The following ZDHHC2 variants were observed in gnomAD, a reference collection of about 807,000 sequenced individuals.
ZDHHC2 encodes the protein zDHHC palmitoyltransferase 2.
In ZDHHC2, 51 loss-of-function variants were observed where a neutral mutation model predicts 55.6. That is an observed-to-expected ratio of 0.92 (90% CI 0.73 to 1.16). The LOEUF (loss-of-function observed/expected upper bound fraction) is 1.16. ZDHHC2 is among the 50% of genes most tolerant of loss of function. The pLI, the probability that ZDHHC2 is intolerant of heterozygous loss-of-function variation, is 0.00. For synonymous variants in ZDHHC2, 199 were observed against 152.9 expected (o/e 1.30, Z -2.22); for missense variants, 491 against 442.4 (o/e 1.11, Z -0.99).
intron 6 of ZDHHC2, among the ~76,000 whole-genome samples, chr8:17,204,853 C>A (rs1178413542): frequency 6.6e-6 from 1 of 151,844 alleles, no homozygotes; most frequent in Non-Finnish European, 1.5e-5. Context: ...AAAGAAAAAT[C>A]TTAACAAAAA....
intron 1 of ZDHHC2, among the ~76,000 whole-genome samples, chr8:17,169,028 C>A (rs1267189834): frequency 6.6e-6 from 1 of 152,118 alleles, no homozygotes; most frequent in African/African-American, 2.4e-5. Flanking sequence ...GCTTTAAATT[C>A]TTTTGGTAGA....
intron 1 of ZDHHC2, among the ~76,000 whole-genome samples, chr8:17,157,816 CA>C (rs967684549): frequency 2.6e-5 from 4 of 152,188 alleles, no homozygotes; most frequent in African/African-American, 9.6e-5. Flanking sequence ...TTTGCCCTAC[CA>C]AGTGCTAGCT....
chr8:17,166,659 A>T (rs1804613983), intron 1 of ZDHHC2, among the ~76,000 whole-genome samples: 1 of 152,182 alleles, frequency 6.6e-6, no homozygotes, highest in Non-Finnish European at 1.5e-5. Flanking sequence ...TCAGGAGATG[A>T]GTAGGAACCA....
intron 1 of ZDHHC2, among the ~76,000 whole-genome samples, chr8:17,167,018 T>G (rs1410525412): frequency 6.6e-6 from 1 of 152,204 alleles, no homozygotes; most frequent in African/African-American, 2.4e-5. Context: ...CTGAAAATAA[T>G]CTACAGAAAA....
At chr8:17,206,491 T>TA (rs1807107530) in intron 7 of ZDHHC2, among the ~76,000 whole-genome samples, 1 of 152,160 alleles carries the variant, frequency 6.6e-6, no homozygotes, top group African/African-American at 2.4e-5. Flanking sequence ...GGAAAGTTTA[T>TA]AAAAAATAAG....
At chr8:17,214,734 C>A (rs1248781698) in intron 10 of ZDHHC2, among the ~76,000 whole-genome samples, 1 of 151,864 alleles carries the variant, frequency 6.6e-6, no homozygotes, top group Non-Finnish European at 1.5e-5. Context: ...CATAGAGAGT[C>A]CACTCTACAA....
At position 17,210,006 on chromosome 8, in the gene ZDHHC2, C is replaced by G. The variant is rs201971547; in HGVS notation, c.805C>G (p.Arg269Gly). The G allele has an allele frequency of 1.2e-6, 2 of 1,609,730 alleles. No individual in the cohort carries two copies. The highest frequency in any genetic ancestry group is 1.7e-5 in the Admixed American group (1 of 59,462). ...GFSLGFSKNMRQVFGDEKKYW... is the reference protein window; with the variant it reads ...GFSLGFSKNMGQVFGDEKKYW... ...CAGCTTGGGTTTCAGTAAAAACATGCGACAAGTTTTTGGTGATGAGAAGAA... is the reference window on the plus strand; with the variant it reads ...CAGCTTGGGTTTCAGTAAAAACATGGGACAAGTTTTTGGTGATGAGAAGAA... Residue 269 changes from arginine to glycine, a missense_variant, in exon 9 of 13, where the codon CGA (arginine) becomes GGA (glycine). Transcript: ENST00000262096.
At position 17,168,159 on chromosome 8, in the gene ZDHHC2, T is replaced by G. The variant is rs146403864; in HGVS notation, c.130+11306T>G. ...AGGATTTTACATTCTCTTTCATCTATTTCCTATTGACTGAAAAAGGTCAAG... is the reference window on the plus strand; with the variant it reads ...AGGATTTTACATTCTCTTTCATCTAGTTCCTATTGACTGAAAAAGGTCAAG... On this transcript the variant is annotated intron_variant, in intron 1 of 12. Transcript: ENST00000262096. Among the ~76,000 whole-genome samples, 130 of 152,318 alleles carry G rather than the reference T, an allele frequency of 8.5e-4. 2 individuals carry two copies. Among genetic ancestry groups the G allele is most frequent in the African/African-American group, 3.1e-3 (130 of 41,556 alleles).
rs1048299300 is a variant in ZDHHC2 at position 17,220,391 on chromosome 8, A to T, written c.*170A>T. On this transcript the variant is annotated 3_prime_UTR_variant, in exon 13 of 13. Transcript: ENST00000262096. ...TCCAAGCCATTGCTTAAAATATAAC[A>T]TGTTTTGGATCCAATACACACATTG... 11 of 149,926 alleles carry T rather than the reference A, an allele frequency of 7.3e-5. No individual in the cohort carries two copies. Among genetic ancestry groups the T allele is most frequent in the Non-Finnish European group, 1.7e-4 (11 of 66,530 alleles). The allele number at this position is 149,926 out of a possible 1,614,324, so 9.3% of individuals were successfully genotyped here. A position where few individuals can be genotyped will look rare whatever the true frequency, so the allele number is the denominator to read the frequency against.
rs1554466226 is a variant in ZDHHC2 at position 17,199,612 on chromosome 8, C to CTTCTTCTTCTTCCTTTCTTCTTCTTCCT, written c.476+1225_476+1226insCTTTCTTCTTCTTCCTTTCTTCTTCTTC. 6.7e-4 allele frequency among the ~76,000 whole-genome samples: 46 copies of CTTCTTCTTCTTCCTTTCTTCTTCTTCCT among 68,918 alleles called. 3 individuals carry two copies. Among genetic ancestry groups the CTTCTTCTTCTTCCTTTCTTCTTCTTCCT allele is most frequent in the South Asian group, 3.6e-3 (7 of 1,924 alleles). The allele number at this position is 68,918 out of a possible 152,430, so 45.2% of individuals were successfully genotyped here. ...TCTTTCTTCTTCTTTATTCTTTCTT[C>CTTCTTCTTCTTCCTTTCTTCTTCTTCCT]TTCTTCTTCTTCCTTTCTTCTTCTT... On this transcript the variant is annotated intron_variant, in intron 6 of 12. Coordinates refer to ENST00000262096, the MANE Select transcript of ZDHHC2 (RefSeq NM_016353.5).
Position 17,220,487 on chromosome 8 carries a change from T to C in ZDHHC2, c.*266T>C, listed in dbSNP as rs1001778417. ...TTTATTAATCAACGGGGAAAACATC[T>C]TCTCCAAAAAACTTGGAATAAATCC... On this transcript the variant is annotated 3_prime_UTR_variant, in exon 13 of 13. Coordinates refer to ENST00000262096, the MANE Select transcript of ZDHHC2 (RefSeq NM_016353.5). 10 of 152,176 alleles carry C rather than the reference T, an allele frequency of 6.6e-5. No homozygotes were observed. Among genetic ancestry groups the C allele is most frequent in the African/African-American group, 1.9e-4 (8 of 41,452 alleles). The allele number at this position is 152,176 out of a possible 1,614,324, so 9.4% of individuals were successfully genotyped here.
At chr8:17,157,748 T>C (rs139994373) in intron 1 of ZDHHC2, among the ~76,000 whole-genome samples, 196 of 152,348 alleles carry the variant, frequency 1.3e-3, no homozygotes, top group Non-Finnish European at 2.6e-3. Flanking sequence ...ATGACCTTTC[T>C]GCCAGTGACT....
intron 3 of ZDHHC2, among the ~76,000 whole-genome samples, chr8:17,191,752 C>G (rs1346659141): frequency 6.6e-6 from 1 of 152,172 alleles, no homozygotes; most frequent in Non-Finnish European, 1.5e-5. Flanking sequence ...CAAATCTTGG[C>G]TATTGTGAGT....
intron 6 of ZDHHC2, among the ~76,000 whole-genome samples, chr8:17,204,318 CT>C (rs1806980075): frequency 6.6e-6 from 1 of 152,064 alleles, no homozygotes; most frequent in Non-Finnish European, 1.5e-5. Flanking sequence ...TGATTTTTAC[CT>C]ACGTTAGAAG....
At chr8:17,217,351 A>T in intron 12 of ZDHHC2, 105 bp downstream of exon 12, 1 of 844,890 alleles carries the variant, frequency 1.2e-6, no homozygotes, top group Non-Finnish European at 1.8e-6. Flanking sequence ...AGTGATTCAT[A>T]TAGAAGATCT....
In ZDHHC2 at chr8:17,223,570, A is replaced by G. The variant is rs1808004771; in HGVS notation, c.*3349A>G. 1 of 151,904 alleles carries G rather than the reference A, an allele frequency of 6.6e-6. No individual in the cohort carries two copies. Among genetic ancestry groups the G allele is most frequent in the African/African-American group, 2.4e-5 (1 of 41,430 alleles). The allele number at this position is 151,904 out of a possible 1,614,324, so 9.4% of individuals were successfully genotyped here. A position where few individuals can be genotyped will look rare whatever the true frequency, so the allele number is the denominator to read the frequency against. On this transcript the variant is annotated 3_prime_UTR_variant, in exon 13 of 13. Coordinates refer to ENST00000262096, the MANE Select transcript of ZDHHC2 (RefSeq NM_016353.5). Reference sequence around the variant, plus strand: ...CTTATATGTGGAAGGAGACTATGTTACATACCTGAAGTATTACTCTTTTAC... The same window carrying G: ...CTTATATGTGGAAGGAGACTATGTTGCATACCTGAAGTATTACTCTTTTAC...
chr8:17,194,558 T>C (rs1269534302), intron 3 of ZDHHC2, among the ~76,000 whole-genome samples: 3 of 152,026 alleles, frequency 2.0e-5, no homozygotes, highest in African/African-American at 7.2e-5. Context: ...TATAATTTTA[T>C]CACATGTGCA....
At chr8:17,182,816 C>T (rs886617673) in intron 1 of ZDHHC2, among the ~76,000 whole-genome samples, 1 of 152,172 alleles carries the variant, frequency 6.6e-6, no homozygotes. Context: ...GGCTGGAGCG[C>T]AGTGGCGTGA....
rs1383802707 is a variant in ZDHHC2, at chr8:17,156,836, C to T, written c.113C>T (p.Ala38Val). The change falls in exon 1 of 13, where the codon GCC (alanine) becomes GTC (valine). Residue 38 changes from alanine to valine, a missense_variant. Physicochemically the swap from Ala to Val is moderately conservative, Grantham distance 64. Coordinates refer to ENST00000262096, the MANE Select transcript of ZDHHC2 (RefSeq NM_016353.5). ...LLLGWSYYAY[A>V]IQLCIVSMEN... ...CTCGGCTGGTCCTACTACGCCTACGCCATCCAGCTGTGCATAGGTGAGTGC... is the reference window on the plus strand; with the variant it reads ...CTCGGCTGGTCCTACTACGCCTACGTCATCCAGCTGTGCATAGGTGAGTGC... The T allele has an allele frequency of 6.6e-7, 1 of 1,519,172 alleles. No homozygotes were observed. Among genetic ancestry groups the T allele is most frequent in the Non-Finnish European group, 8.8e-7 (1 of 1,132,010 alleles). The allele number at this position is 1,519,172 out of a possible 1,614,324, so 94.1% of individuals were successfully genotyped here. A position where few individuals can be genotyped will look rare whatever the true frequency, so the allele number is the denominator to read the frequency against.
Sources: allele counts gnomAD v4.1 joint callset (sites outside exome capture counted in the v4.1 genomes callset), GRCh38; gene constraint gnomAD v4.1.1; transcripts MANE v1.5; gene names NCBI Gene and HGNC (gene_info 2026-07-23, HGNC 2026-07-21).